Variants in SGCZ observed in about 807,000 individuals in gnomAD.
The protein encoded by SGCZ is zeta-sarcoglycan.
SGCZ carries 40 observed loss-of-function variants against 41.3 expected under a neutral mutation model. The observed-to-expected ratio is 0.97, with a 90% CI of 0.75 to 1.26. The LOEUF is 1.26. Ranked by LOEUF, SGCZ falls within the 50% of genes most tolerant of loss-of-function variation. The pLI, the probability that SGCZ is intolerant of heterozygous loss-of-function variation, is 0.00. For missense variants in SGCZ, 552 were observed against 369.8 expected, an observed-to-expected ratio of 1.49 and a Z score of -4.04; for synonymous variants, 206 against 137.5, an observed-to-expected ratio of 1.50 and a Z score of -3.49.
intron 1 of SGCZ, among the ~76,000 whole-genome samples, chr8:15,131,751 C>T (rs1807910746): frequency 8.5e-6 from 1 of 117,930 alleles, no homozygotes; most frequent in Non-Finnish European, 1.9e-5. Context: ...CACCAAAGGC[C>T]AAACTCCTCC....
intron 4 of SGCZ, among the ~76,000 whole-genome samples, chr8:14,225,338 A>G (rs1806335373): frequency 6.6e-6 from 1 of 152,128 alleles, no homozygotes. Context: ...TTTTGAAGGT[A>G]AGCTGATTAG....
intron 2 of SGCZ, among the ~76,000 whole-genome samples, chr8:14,540,734 G>A (rs1260876588): frequency 6.6e-6 from 1 of 151,660 alleles, no homozygotes; most frequent in Non-Finnish European, 1.5e-5. Flanking sequence ...TCATTTGTAA[G>A]GCGTTCTGCT....
chr8:14,796,147 G>C (rs1801121970), intron 1 of SGCZ, among the ~76,000 whole-genome samples: 1 of 152,180 alleles, frequency 6.6e-6, no homozygotes, highest in Non-Finnish European at 1.5e-5. Flanking sequence ...CTGTGCATGG[G>C]TCTTTATAAT....
At chr8:14,899,899 G>T (rs1215294734) in intron 1 of SGCZ, among the ~76,000 whole-genome samples, 2 of 151,544 alleles carry the variant, frequency 1.3e-5, no homozygotes, top group African/African-American at 4.9e-5. Context: ...CTTAAACATT[G>T]TACCAACAGC....
intron 1 of SGCZ, among the ~76,000 whole-genome samples, chr8:14,745,855 C>G (rs893609280): frequency 2.4e-4 from 36 of 151,928 alleles, no homozygotes; most frequent in African/African-American, 8.5e-4. Context: ...CAAATTTAGT[C>G]TTTCACACTC....
chr8:14,499,860 A>G (rs927489563), intron 2 of SGCZ, among the ~76,000 whole-genome samples: 1 of 152,036 alleles, frequency 6.6e-6, no homozygotes, highest in Non-Finnish European at 1.5e-5. Context: ...CTCTCTTCAA[A>G]TAGTATGCTT....
Position 14,641,273 on chromosome 8 carries a change from A to G in SGCZ, c.40-86347T>C, listed in dbSNP as rs555892201. The stretch of plus-strand genomic sequence containing the variant: ...CAAAAGCAACAAAACACATACACAT[A>G]TATGTACACATATAATATGCACACA... On this transcript the variant is annotated intron_variant, in intron 1 of 7. Transcript: ENST00000382080. 2.0e-5 allele frequency among the ~76,000 whole-genome samples: 3 copies of G among 151,846 alleles called. No individual in the cohort carries two copies. The South Asian group carries it at 6.2e-4, about 31-fold the overall frequency.
At chr8:14,970,403 G>C (rs1407758288) in intron 1 of SGCZ, among the ~76,000 whole-genome samples, 1 of 152,092 alleles carries the variant, frequency 6.6e-6, no homozygotes, top group South Asian at 2.1e-4. Flanking sequence ...GCCTAACTAA[G>C]GCACAGAAGT....
chr8:14,906,646 T>C (rs1799127354), intron 1 of SGCZ, among the ~76,000 whole-genome samples: 1 of 152,190 alleles, frequency 6.6e-6, no homozygotes, highest in Non-Finnish European at 1.5e-5. Context: ...CATATTATAC[T>C]TACCCCTCAC....
chr8:14,944,086 T>C (rs760451469), intron 1 of SGCZ, among the ~76,000 whole-genome samples: 36 of 152,156 alleles, frequency 2.4e-4, no homozygotes, highest in Non-Finnish European at 2.1e-4. Flanking sequence ...AATTGCCTGT[T>C]AAACTAATAA....
At chr8:14,683,497 T>C (rs1254929310) in intron 1 of SGCZ, among the ~76,000 whole-genome samples, 1 of 152,154 alleles carries the variant, frequency 6.6e-6, no homozygotes, top group Admixed American at 6.5e-5. Context: ...CTCTTTGTCA[T>C]GATTAACTTG....
intron 3 of SGCZ, among the ~76,000 whole-genome samples, chr8:14,317,066 T>C (rs1376537140): frequency 3.3e-5 from 5 of 152,018 alleles, no homozygotes; most frequent in South Asian, 2.1e-4. Context: ...CATATGCAAA[T>C]TTGCCATCAA....
At chr8:14,568,306 G>T (rs540524035) in intron 1 of SGCZ, among the ~76,000 whole-genome samples, 3 of 152,020 alleles carry the variant, frequency 2.0e-5, no homozygotes, top group East Asian at 3.9e-4. Context: ...CCTAGATCAT[G>T]GGTTGATAGG....
chr8:14,941,633 T>C (rs1800277470), intron 1 of SGCZ, among the ~76,000 whole-genome samples: 1 of 152,024 alleles, frequency 6.6e-6, no homozygotes. Flanking sequence ...GGATGTTAAC[T>C]CTTTTTATAA....
At chr8:14,786,340 G>A (rs527749312) in intron 1 of SGCZ, among the ~76,000 whole-genome samples, 9 of 152,210 alleles carry the variant, frequency 5.9e-5, no homozygotes, top group African/African-American at 2.2e-4. Flanking sequence ...AGTTTACTCT[G>A]AGGAATTAGT....
At chr8:14,247,314 T>C (rs1414247598) in intron 3 of SGCZ, among the ~76,000 whole-genome samples, 1 of 152,126 alleles carries the variant, frequency 6.6e-6, no homozygotes, top group East Asian at 1.9e-4. Context: ...ATCAGAGTAG[T>C]CCCCATCCTG....
intron 1 of SGCZ, among the ~76,000 whole-genome samples, chr8:14,847,463 C>T (rs1052606330): frequency 1.3e-4 from 19 of 150,496 alleles, no homozygotes; most frequent in African/African-American, 4.6e-4. Context: ...GCAAGGATGA[C>T]TAAAAATTCT....
At chr8:15,137,541 C>T (rs532894405) in intron 1 of SGCZ, among the ~76,000 whole-genome samples, 201 of 152,240 alleles carry the variant, frequency 1.3e-3, no homozygotes, top group Middle Eastern at 3.4e-3. Flanking sequence ...CCAGGGCCTC[C>T]CTGCTGTGTG....
chr8:14,803,470 C>G (rs181895492), intron 1 of SGCZ, among the ~76,000 whole-genome samples: 6 of 152,196 alleles, frequency 3.9e-5, no homozygotes, highest in Non-Finnish European at 7.4e-5. Flanking sequence ...GGGTGACAGA[C>G]GGCACCTGGA....
Sources: gnomAD v4.1 joint callset for allele counts (sites outside exome capture counted in the v4.1 genomes callset) on GRCh38, gnomAD v4.1.1 for gene constraint, MANE v1.5 for transcripts, NCBI Gene and HGNC (gene_info 2026-07-23, HGNC 2026-07-21) for gene names.